The following COL5A2 variants were observed in gnomAD, a reference collection of about 807,000 sequenced individuals.
COL5A2 encodes collagen alpha-2(V) chain.
Under a neutral mutation model 208.2 loss-of-function variants are expected in COL5A2, and 23 were observed. The observed-to-expected ratio is 0.11, with a 90% CI of 0.08 to 0.16. COL5A2 has a LOEUF of 0.16. COL5A2 is among the 10% of genes least tolerant of loss of function. COL5A2 has a pLI of 1.00. For synonymous variants in COL5A2, 625 were observed against 628.5 expected, an observed-to-expected ratio of 0.99 and a Z score of 0.08; for missense variants, 1,590 against 1,956.4, an observed-to-expected ratio of 0.81 and a Z score of 3.53.
At chr2:189,224,561 C>T (rs962124280) in intron 1 of COL5A2, among the ~76,000 whole-genome samples, 7 of 151,802 alleles carry the variant, frequency 4.6e-5, no homozygotes, top group Non-Finnish European at 8.8e-5. Flanking sequence ...TGGTGGCACA[C>T]GCCTATAGTC....
At chr2:189,076,238 A>G (rs192726636) in intron 16 of COL5A2, among the ~76,000 whole-genome samples, 1 of 152,244 alleles carries the variant, frequency 6.6e-6, no homozygotes, top group African/African-American at 2.4e-5. Flanking sequence ...TTCCTAGGAA[A>G]CCTGACCTAA....
the COL5A2 span, among the ~76,000 whole-genome samples, chr2:189,322,163 G>C: frequency 6.6e-6 from 1 of 152,160 alleles, no homozygotes; most frequent in East Asian, 1.9e-4. Context: ...GAATCTCTGG[G>C]ACACATTTAA....
the COL5A2 span, among the ~76,000 whole-genome samples, chr2:189,400,265 A>T: frequency 6.6e-6 from 1 of 152,166 alleles, no homozygotes; most frequent in Non-Finnish European, 1.5e-5. Flanking sequence ...ATTCTCAAAC[A>T]TTGCTTCTGC....
the COL5A2 span, among the ~76,000 whole-genome samples, chr2:189,407,836 AC>A: frequency 6.6e-6 from 1 of 152,188 alleles, no homozygotes; most frequent in African/African-American, 2.4e-5. Context: ...GACATTTTTA[AC>A]AGTTGACCTG....
intron 4 of COL5A2, among the ~76,000 whole-genome samples, chr2:189,099,611 C>T (rs968637512): frequency 6.6e-6 from 1 of 151,950 alleles, no homozygotes; most frequent in Non-Finnish European, 1.5e-5. Context: ...GGTAACAGAG[C>T]GAGACTCTGT....
chr2:189,421,970 G>C, the COL5A2 span, among the ~76,000 whole-genome samples: 1 of 152,090 alleles, frequency 6.6e-6, no homozygotes, highest in Non-Finnish European at 1.5e-5. Flanking sequence ...GGCCACGGTG[G>C]TCCCAAGAAT....
At chr2:189,257,924 C>T in the COL5A2 span, among the ~76,000 whole-genome samples, 4 of 152,056 alleles carry the variant, frequency 2.6e-5, no homozygotes, top group African/African-American at 4.8e-5. Context: ...ACTGTCCTGG[C>T]TAACACAGTG....
chr2:189,134,266 T>C (rs1043355537), intron 1 of COL5A2, among the ~76,000 whole-genome samples: 1 of 152,136 alleles, frequency 6.6e-6, no homozygotes, highest in African/African-American at 2.4e-5. Flanking sequence ...ATATAACCTT[T>C]TGGCAATTTG....
the COL5A2 span, among the ~76,000 whole-genome samples, chr2:189,238,752 T>G: frequency 6.6e-6 from 1 of 152,020 alleles, no homozygotes; most frequent in Non-Finnish European, 1.5e-5. Context: ...CCATCAGATC[T>G]TGTGAGAACT....
intron 1 of COL5A2, among the ~76,000 whole-genome samples, chr2:189,171,245 A>T (rs1162928729): frequency 6.6e-6 from 1 of 152,170 alleles, no homozygotes; most frequent in Non-Finnish European, 1.5e-5. Context: ...CTTGTATGTC[A>T]CACTAAGAAG....
chr2:189,287,174 A>G, the COL5A2 span, among the ~76,000 whole-genome samples: 62 of 149,698 alleles, frequency 4.1e-4, 1 homozygote, highest in African/African-American at 1.2e-3. Context: ...TATAAAAATT[A>G]AAAAAAAAAT....
the COL5A2 span, among the ~76,000 whole-genome samples, chr2:189,349,357 T>A: frequency 6.6e-6 from 1 of 152,080 alleles, no homozygotes; most frequent in African/African-American, 2.4e-5. Flanking sequence ...TAACTAAAAG[T>A]CATGTTTAAC....
At chr2:189,345,488 G>A in the COL5A2 span, among the ~76,000 whole-genome samples, 1 of 152,114 alleles carries the variant, frequency 6.6e-6, no homozygotes, top group African/African-American at 2.4e-5. Flanking sequence ...CAGGAGCAGA[G>A]CTCTGAAGAC....
At chr2:189,390,973 T>C in the COL5A2 span, among the ~76,000 whole-genome samples, 2 of 152,208 alleles carry the variant, frequency 1.3e-5, no homozygotes, top group South Asian at 4.1e-4. Context: ...TAGAAGCTAA[T>C]TTCTTAAAAT....
the COL5A2 span, among the ~76,000 whole-genome samples, chr2:189,371,155 AC>A: frequency 6.6e-6 from 1 of 152,020 alleles, no homozygotes; most frequent in Non-Finnish European, 1.5e-5. Flanking sequence ...TTTGCCTTCC[AC>A]CATGATTGTA....
intron 1 of COL5A2, among the ~76,000 whole-genome samples, chr2:189,221,808 G>T (rs1202662143): frequency 6.6e-6 from 1 of 151,964 alleles, no homozygotes; most frequent in Admixed American, 6.6e-5. Context: ...AGGCAGCAAG[G>T]GTAGTCAATG....
At chr2:189,056,134 T>C (rs1685895910) in intron 35 of COL5A2, among the ~76,000 whole-genome samples, 1 of 152,196 alleles carries the variant, frequency 6.6e-6, no homozygotes, top group Middle Eastern at 3.2e-3. Context: ...AAAGCTATTA[T>C]AACCAATGTA....
chr2:189,402,787 CTATAGTATAG>C, the COL5A2 span, among the ~76,000 whole-genome samples: 2 of 150,258 alleles, frequency 1.3e-5, no homozygotes, highest in African/African-American at 4.9e-5. Context: ...GCTCTTTTGG[CTATAGTATAG>C]TATAGTATAG....
At chr2:189,199,295 C>T (rs1689042801) in intron 1 of COL5A2, among the ~76,000 whole-genome samples, 1 of 152,048 alleles carries the variant, frequency 6.6e-6, no homozygotes, top group African/African-American at 2.4e-5. Flanking sequence ...AATATAAAAG[C>T]ACATGACTAT....
Sources: allele counts gnomAD v4.1 joint callset (sites outside exome capture counted in the v4.1 genomes callset), GRCh38; gene constraint gnomAD v4.1.1; transcripts MANE v1.5; gene names NCBI Gene and HGNC (gene_info 2026-07-23, HGNC 2026-07-21).